Variants in LOC400499 observed in about 807,000 individuals in gnomAD.
the LOC400499 span, among the ~76,000 whole-genome samples, chr16:11,417,271 G>A: frequency 6.6e-6 from 1 of 152,102 alleles, no homozygotes; most frequent in Non-Finnish European, 1.5e-5. Flanking sequence ...CTGTCACCCA[G>A]GCTGGAGGGC....
At chr16:11,412,876 C>A in the LOC400499 span, 3 of 398,986 alleles carry the variant, frequency 7.5e-6, no homozygotes, top group African/African-American at 4.1e-5. Flanking sequence ...CGTCAAGGAC[C>A]AAGGTGGCCT....
chr16:11,425,132 A>G, the LOC400499 span: 1 of 398,884 alleles, frequency 2.5e-6, no homozygotes, highest in East Asian at 3.6e-5. Context: ...TACCTGCATC[A>G]CTCAGCGTGC....
At chr16:11,401,540 C>T in the LOC400499 span, 1 of 398,232 alleles carries the variant, frequency 2.5e-6, no homozygotes, top group Admixed American at 4.4e-5. Flanking sequence ...AAACCCCATC[C>T]CTGTGCAAGG....
the LOC400499 span, chr16:11,487,374 A>T: frequency 2.5e-6 from 1 of 399,228 alleles, no homozygotes; most frequent in Non-Finnish European, 4.4e-6. Flanking sequence ...GTTGGCTCCC[A>T]GGCTGCCAGA....
the LOC400499 span, chr16:11,391,788 A>C: frequency 2.4e-6 from 3 of 1,232,184 alleles, no homozygotes; most frequent in Non-Finnish European, 2.0e-6. Context: ...ACTCGCCTGC[A>C]TGGCCTCCCG....
the LOC400499 span, among the ~76,000 whole-genome samples, chr16:11,482,599 A>C: frequency 1.3e-5 from 2 of 152,278 alleles, no homozygotes; most frequent in Non-Finnish European, 1.5e-5. Flanking sequence ...CTGATGAAGA[A>C]CTTGTTTCTG....
chr16:11,485,109 T>C, the LOC400499 span: 2 of 398,758 alleles, frequency 5.0e-6, no homozygotes, highest in Non-Finnish European at 8.8e-6. Flanking sequence ...GGAGGAACAA[T>C]TCAGTCACAG....
chr16:11,412,093 G>A, the LOC400499 span, among the ~76,000 whole-genome samples: 3 of 152,076 alleles, frequency 2.0e-5, no homozygotes, highest in Non-Finnish European at 4.4e-5. Context: ...TCGAGCTTCT[G>A]GGCTTAAGCA....
chr16:11,525,848 C>A, the LOC400499 span, among the ~76,000 whole-genome samples: 1 of 152,194 alleles, frequency 6.6e-6, no homozygotes, highest in Non-Finnish European at 1.5e-5. Flanking sequence ...AAGTTCATGT[C>A]ATGATAAATT....
the LOC400499 span, among the ~76,000 whole-genome samples, chr16:11,513,055 C>A: frequency 2.0e-5 from 3 of 152,198 alleles, no homozygotes; most frequent in East Asian, 5.8e-4. Context: ...CACCGTGTGA[C>A]CTTGGACAAG....
chr16:11,403,056 A>C, the LOC400499 span, among the ~76,000 whole-genome samples: 26 of 151,842 alleles, frequency 1.7e-4, no homozygotes, highest in Non-Finnish European at 2.8e-4. Flanking sequence ...TCTGTCCCCC[A>C]GGTGAGTCAA....
chr16:11,420,339 C>G, the LOC400499 span, among the ~76,000 whole-genome samples: 1 of 149,932 alleles, frequency 6.7e-6, no homozygotes, highest in Non-Finnish European at 1.5e-5. Flanking sequence ...CAAACTATCA[C>G]AAGGACAAAA....
the LOC400499 span, among the ~76,000 whole-genome samples, chr16:11,477,424 G>A: frequency 2.0e-5 from 3 of 152,224 alleles, no homozygotes; most frequent in East Asian, 5.8e-4. Flanking sequence ...CAGGCTGTCA[G>A]TGTCCTCGCC....
chr16:11,456,992 A>C, the LOC400499 span: 1 of 1,535,882 alleles, frequency 6.5e-7, no homozygotes, highest in Non-Finnish European at 8.7e-7. Context: ...TCAAGTGGTA[A>C]AGCTGCACGC....
At chr16:11,395,118 C>T in the LOC400499 span, among the ~76,000 whole-genome samples, 6 of 152,192 alleles carry the variant, frequency 3.9e-5, no homozygotes, top group African/African-American at 9.7e-5. Context: ...GCAGACCACA[C>T]GGAGTTGGCC....
the LOC400499 span, chr16:11,392,481 CCA>C: frequency 2.5e-6 from 1 of 399,100 alleles, no homozygotes. Flanking sequence ...GCCCGCAGCA[CCA>C]CACTCTCCTC....
At chr16:11,403,300 C>G in the LOC400499 span, among the ~76,000 whole-genome samples, 1 of 152,208 alleles carries the variant, frequency 6.6e-6, no homozygotes, top group Middle Eastern at 3.2e-3. Context: ...GGGAGGCTGA[C>G]CACATGCAGG....
the LOC400499 span, among the ~76,000 whole-genome samples, chr16:11,405,873 G>A: frequency 3.3e-5 from 5 of 152,150 alleles, no homozygotes; most frequent in African/African-American, 1.2e-4. Context: ...TGGCCTGACT[G>A]ACCCTGTGTG....
At chr16:11,476,780 C>T in the LOC400499 span, 1 of 399,402 alleles carries the variant, frequency 2.5e-6, no homozygotes, top group Non-Finnish European at 4.4e-6. Flanking sequence ...CTGAGCAGCT[C>T]CACGGCCTCC....
Sources: allele counts gnomAD v4.1 joint callset (sites outside exome capture counted in the v4.1 genomes callset), GRCh38; gene constraint gnomAD v4.1.1; transcripts MANE v1.5.